JARID2: variants seen among roughly 807,000 people sequenced by gnomAD.
JARID2 encodes the protein jumonji and AT-rich interaction domain containing 2, also known as protein Jumonji.
In JARID2, 21 loss-of-function variants were observed where a neutral mutation model predicts 125.6. That is an observed-to-expected ratio of 0.17 (90% CI 0.12 to 0.24). The LOEUF (loss-of-function observed/expected upper bound fraction) is 0.24. Ranked by LOEUF, JARID2 falls within the 10% of genes least tolerant of loss-of-function variation. JARID2 has a pLI of 1.00. For synonymous variants in JARID2, 736 were observed against 661.6 expected (o/e 1.11, Z -1.73); for missense variants, 1,303 against 1,639.6 (o/e 0.79, Z 3.55).
chr6:15,419,589 A>G (rs1341114898), intron 3 of JARID2, among the ~76,000 whole-genome samples: 1 of 152,226 alleles, frequency 6.6e-6, no homozygotes, highest in Admixed American at 6.5e-5. Context: ...TACTTTTATG[A>G]TAATTGTAGA....
Position 15,246,520 on chromosome 6 carries a change from A to G in JARID2, c.-20A>G, listed in dbSNP as rs200099587. 2.1e-4 allele frequency: 343 copies of G among 1,610,328 alleles called. No individual in the cohort carries two copies. In the African/African-American group the frequency reaches 4.0e-3, roughly 19 times the overall value. On this transcript the variant is annotated 5_prime_UTR_variant, in exon 1 of 18. Transcript: ENST00000341776. ...CATGAAGCAATTGTCCCCTTTTGCAATCAGCATTTGGATCTCAGAATGAGC... is the reference window on the plus strand; with the variant it reads ...CATGAAGCAATTGTCCCCTTTTGCAGTCAGCATTTGGATCTCAGAATGAGC...
intron 1 of JARID2, among the ~76,000 whole-genome samples, chr6:15,249,872 A>C (rs1759374883): frequency 6.6e-6 from 1 of 152,212 alleles, no homozygotes; most frequent in Admixed American, 6.5e-5. Flanking sequence ...CAATACCTTA[A>C]ATAACTGAAA....
chr6:15,341,378 C>G (rs1322619101), intron 1 of JARID2, among the ~76,000 whole-genome samples: 2 of 152,172 alleles, frequency 1.3e-5, no homozygotes, highest in Non-Finnish European at 2.9e-5. Context: ...AATGTAAGGT[C>G]TAGAAGCAGA....
intron 1 of JARID2, among the ~76,000 whole-genome samples, chr6:15,366,824 G>T (rs1004645611): frequency 6.6e-5 from 10 of 152,188 alleles, no homozygotes; most frequent in Non-Finnish European, 1.2e-4. Flanking sequence ...TCACCAGGTT[G>T]TTATTTAAAA....
chr6:15,317,458 A>G (rs1373226956), intron 1 of JARID2, among the ~76,000 whole-genome samples: 1 of 152,182 alleles, frequency 6.6e-6, no homozygotes, highest in Non-Finnish European at 1.5e-5. Flanking sequence ...ACATTGTGGT[A>G]AGAGTAATTT....
chr6:15,504,459 G>A, intron 8 of JARID2, 41 bp from the exon 9 acceptor site: 2 of 1,494,714 alleles, frequency 1.3e-6, no homozygotes, highest in Non-Finnish European at 1.9e-6. Context: ...GTAGGGTTCA[G>A]CTTTGCTTCT....
At chr6:15,370,311 A>G (rs1764116817) in intron 1 of JARID2, among the ~76,000 whole-genome samples, 1 of 147,450 alleles carries the variant, frequency 6.8e-6, no homozygotes, top group Non-Finnish European at 1.5e-5. Flanking sequence ...ACCTCTAATG[A>G]TAGAGTTGTA....
At chr6:15,264,683 G>A (rs551873617) in intron 1 of JARID2, among the ~76,000 whole-genome samples, 11 of 152,012 alleles carry the variant, frequency 7.2e-5, no homozygotes, top group Non-Finnish European at 1.5e-4. Context: ...ATCTAAGAAG[G>A]AGTTAATATT....
At chr6:15,360,112 T>C (rs1486942383) in intron 1 of JARID2, among the ~76,000 whole-genome samples, 2 of 152,218 alleles carry the variant, frequency 1.3e-5, no homozygotes, top group African/African-American at 4.8e-5. Context: ...TTTCTCTTTC[T>C]ATCCAAGACT....
At position 15,344,104 on chromosome 6, in the gene JARID2, A is replaced by ATT. The variant is rs58867061; in HGVS notation, c.46-29988_46-29987dup. Among the ~76,000 whole-genome samples, 143 of 89,192 alleles carry ATT rather than the reference A, an allele frequency of 1.6e-3. 4 individuals carry two copies. The highest frequency in any genetic ancestry group is 8.5e-3 in the Middle Eastern group (1 of 118). 58.5% of individuals were successfully genotyped at this position (89,192 alleles called of 152,430 possible). On this transcript the variant is annotated intron_variant, in intron 1 of 17. Coordinates refer to ENST00000341776, the MANE Select transcript of JARID2 (RefSeq NM_004973.4). ...CTGTTTTACTTGGGAGTATGTAGTG[A>ATT]TTTTTTTTTTTTTTTTTTTTTTTTT...
At chr6:15,357,226 C>T (rs757897565) in intron 1 of JARID2, among the ~76,000 whole-genome samples, 5 of 152,106 alleles carry the variant, frequency 3.3e-5, no homozygotes, top group Non-Finnish European at 5.9e-5. Context: ...TCATGAAGTA[C>T]GCTGAATAAG....
At chr6:15,396,702 A>G (rs1238905826) in intron 2 of JARID2, among the ~76,000 whole-genome samples, 29 of 152,154 alleles carry the variant, frequency 1.9e-4, no homozygotes, top group Admixed American at 1.9e-3. Flanking sequence ...AAAAGTTATG[A>G]ATTGTTTATT....
At chr6:15,390,700 T>G (rs1231043899) in intron 2 of JARID2, among the ~76,000 whole-genome samples, 4 of 152,140 alleles carry the variant, frequency 2.6e-5, no homozygotes, top group Admixed American at 2.6e-4. Context: ...AAGACTGGGT[T>G]GTCCTTGGAT....
chr6:15,340,410 A>T (rs1763028179), intron 1 of JARID2, among the ~76,000 whole-genome samples: 3 of 152,180 alleles, frequency 2.0e-5, no homozygotes, highest in African/African-American at 7.2e-5. Flanking sequence ...CTTTGTCATT[A>T]GTTGGGTGTG....
chr6:15,473,514 G>GCCCCCCCCCC (rs3841758), intron 5 of JARID2, among the ~76,000 whole-genome samples: 5 of 35,000 alleles, frequency 1.4e-4, no homozygotes, highest in Admixed American at 4.5e-4. Flanking sequence ...TGATGTGCGT[G>GCCCCCCCCCC]CCCCCCCCCC....
chr6:15,485,209 T>A (rs1424719938), intron 5 of JARID2, among the ~76,000 whole-genome samples: 1 of 152,222 alleles, frequency 6.6e-6, no homozygotes, highest in Non-Finnish European at 1.5e-5. Context: ...TATTTTAAAA[T>A]CTATTAATCA....
chr6:15,262,897 T>C (rs1024944646), intron 1 of JARID2, among the ~76,000 whole-genome samples: 1 of 152,192 alleles, frequency 6.6e-6, no homozygotes, highest in Non-Finnish European at 1.5e-5. Flanking sequence ...TTTGTTTGCA[T>C]TTCTCTTGGA....
chr6:15,513,005 C>T lies in JARID2; in HGVS notation c.3226C>T (p.Pro1076Ser), dbSNP rs1044917304. The change falls in exon 15 of 18, where the codon CCC (proline) becomes TCC (serine). Residue 1076 changes from proline (P) to serine (S), a missense_variant. Pro to Ser is a moderately conservative substitution (Grantham distance 74). This residue lies in a region of JARID2 where 190 missense variants were observed against 341.4 expected (regional missense o/e 0.56). Transcript: ENST00000341776. ...AGCAGAAGCAAAAAAAGAAAACGGTCCCACTCTCAGTACCATCTCAGCCCT... is the reference window on the plus strand; with the variant it reads ...AGCAGAAGCAAAAAAAGAAAACGGTTCCACTCTCAGTACCATCTCAGCCCT... ...AQAEAKKENGPTLSTISALLD... is the reference protein window; with the variant it reads ...AQAEAKKENGSTLSTISALLD... 1.2e-6 allele frequency: 2 copies of T among 1,614,076 alleles called. No homozygotes were observed. The highest frequency in any genetic ancestry group is 1.7e-6 in the Non-Finnish European group (2 of 1,180,016).
chr6:15,485,593 T>C (rs1769827955), intron 5 of JARID2, among the ~76,000 whole-genome samples: 1 of 152,226 alleles, frequency 6.6e-6, no homozygotes, highest in Non-Finnish European at 1.5e-5. Context: ...TTAATCACTT[T>C]ATACATGTAT....
Sources: allele counts gnomAD v4.1 joint callset (sites outside exome capture counted in the v4.1 genomes callset), GRCh38; gene constraint gnomAD v4.1.1; regional missense constraint gnomAD v4.1.1; transcripts MANE v1.5; gene names NCBI Gene and HGNC (gene_info 2026-07-23, HGNC 2026-07-21).